CD209: variants seen among roughly 807,000 people sequenced by gnomAD.
The protein encoded by CD209 is CD209 antigen.
In CD209, 31 loss-of-function variants were observed where a neutral mutation model predicts 44.7. The observed-to-expected ratio is 0.69, with a 90% confidence interval of 0.52 to 0.94. CD209 has a LOEUF of 0.94. Ranked by LOEUF, CD209 falls within the 40% of genes least tolerant of loss-of-function variation. CD209 has a pLI of 0.00. For missense variants in CD209, 407 were observed against 452.4 expected, an observed-to-expected ratio of 0.90 and a Z score of 0.91; for synonymous variants, 173 against 181.3, an observed-to-expected ratio of 0.95 and a Z score of 0.37.
In CD209 at chr19:7,740,854, T is replaced by C. The variant is rs1169351420; in HGVS notation, c.*2185A>G. Reference sequence around the variant, plus strand: ...CAAAAACCGGAAGCTGTCCAGAAGATGCTGGATCAGGCTGAAAATGAGTTG... The same window carrying C: ...CAAAAACCGGAAGCTGTCCAGAAGACGCTGGATCAGGCTGAAAATGAGTTG... On this transcript the variant is annotated 3_prime_UTR_variant, in exon 7 of 7. Transcript: ENST00000315599. 1 of 747,830 alleles carries C rather than the reference T, an allele frequency of 1.3e-6. No homozygotes were observed. The highest frequency in any genetic ancestry group is 2.5e-6 in the Non-Finnish European group (1 of 404,900). 46.3% of individuals were successfully genotyped at this position (747,830 alleles called of 1,614,324 possible).
chr19:7,741,018 A>T lies in CD209; in HGVS notation c.*2021T>A. On this transcript the variant is annotated 3_prime_UTR_variant, in exon 7 of 7. Coordinates refer to ENST00000315599, the MANE Select transcript of CD209 (RefSeq NM_021155.4). ...ATAGATGTTCACATGATTTCCCAAC[A>T]TCCAGTCCTACCCTTCTTATTAAAA... is the stretch of plus-strand genomic sequence containing the variant. The T allele has an allele frequency of 1.4e-6, 1 of 730,972 alleles. No homozygotes were observed. The highest frequency in any genetic ancestry group is 2.4e-6 in the Non-Finnish European group (1 of 410,384). 45.3% of individuals were successfully genotyped at this position (730,972 alleles called of 1,614,324 possible).
In CD209 at chr19:7,743,169, T is replaced by C. The variant is rs1439844860; in HGVS notation, c.1085A>G (p.Asn362Ser). Reference sequence around the variant, plus strand: ...ATTACATTTGTCGTCGTTCCAGCCATTGCCACTAAATTCCGCGCAGTCTTC... The same window carrying C: ...ATTACATTTGTCGTCGTTCCAGCCACTGCCACTAAATTCCGCGCAGTCTTC... ...GEEDCAEFSG[N>S]GWNDDKCNLA... The change falls in exon 7 of 7, where the codon AAT (asparagine) becomes AGT (serine). Residue 362 changes from asparagine to serine, a missense_variant. Around this residue, in one of 3 missense-constraint regions of CD209, gnomAD observed 200 missense variants for 202.2 expected, o/e 0.99. Coordinates refer to ENST00000315599, the MANE Select transcript of CD209 (RefSeq NM_021155.4). 6.2e-7 allele frequency: 1 copy of C among 1,614,184 alleles called. No individual in the cohort carries two copies.
rs2033865370 is a variant in CD209, at chr19:7,747,133, C to T, written c.106+173G>A. ...GAGTCTTGGCCCCAGCCTCCACCTT[C>T]CCAGGAACCAGGAATTCAGGCCCCA... On this transcript the variant is annotated intron_variant, in intron 2 of 6. Transcript: ENST00000315599. 2.0e-5 allele frequency among the ~76,000 whole-genome samples: 3 copies of T among 152,064 alleles called. No homozygotes were observed. In the South Asian group the frequency reaches 6.2e-4, roughly 31 times the overall value.
In CD209 at chr19:7,740,779, A is replaced by G; in HGVS notation, c.*2260T>C. The G allele has an allele frequency of 1.3e-6, 1 of 763,454 alleles. No individual in the cohort carries two copies. The highest frequency in any genetic ancestry group is 2.5e-6 in the Non-Finnish European group (1 of 408,044). The allele number at this position is 763,454 out of a possible 1,614,324, so 47.3% of individuals were successfully genotyped here. A position where few individuals can be genotyped will look rare whatever the true frequency, so the allele number is the denominator to read the frequency against. ...CGAAAGTTAAAGGAACAATGGGAAG[A>G]ACAGCAGAGGAAAGAGAGAGAGGAG... On this transcript the variant is annotated 3_prime_UTR_variant, in exon 7 of 7. Coordinates refer to ENST00000315599, the MANE Select transcript of CD209 (RefSeq NM_021155.4).
At position 7,746,519 on chromosome 19, in the gene CD209, T is replaced by C. The variant is rs11465374; in HGVS notation, c.119A>G (p.His40Arg). ...GYKSLAGCLGHGPLVLQLLSF... is the reference protein window; with the variant it reads ...GYKSLAGCLGRGPLVLQLLSF... The stretch of plus-strand genomic sequence containing the variant: ...GAGGAGTTGCAGCACCAGGGGACCA[T>C]GGCCAAGACACCCTGAGAGAGGATA... The change falls in exon 3 of 7, where the codon CAT becomes CGT. Residue 40 changes from histidine to arginine, a missense_variant. Physicochemically the swap from His to Arg is conservative, Grantham distance 29. Coordinates refer to ENST00000315599, the MANE Select transcript of CD209 (RefSeq NM_021155.4). The C allele has an allele frequency of 1.4e-5, 23 of 1,613,628 alleles. No homozygotes were observed. In the African/African-American group the frequency reaches 2.3e-4, roughly 16 times the overall value.
chr19:7,740,775 G>T lies in CD209; in HGVS notation c.*2264C>A. 2.6e-6 allele frequency: 2 copies of T among 761,238 alleles called. No homozygotes were observed. Among genetic ancestry groups the T allele is most frequent in the Non-Finnish European group, 4.9e-6 (2 of 407,168 alleles). The allele number at this position is 761,238 out of a possible 1,614,324, so 47.2% of individuals were successfully genotyped here. On this transcript the variant is annotated 3_prime_UTR_variant, in exon 7 of 7. Coordinates refer to ENST00000315599, the MANE Select transcript of CD209 (RefSeq NM_021155.4). ...AGAGCGAAAGTTAAAGGAACAATGG[G>T]AAGAACAGCAGAGGAAAGAGAGAGA...
In CD209 at chr19:7,740,370, G is replaced by T; in HGVS notation, c.*2669C>A. On this transcript the variant is annotated 3_prime_UTR_variant, in exon 7 of 7. Transcript: ENST00000315599. ...ACTCGCCATTTTATTACACAAAGTT[G>T]AACCAGATTGGGCTGAATCTGCGGT... is the stretch of plus-strand genomic sequence containing the variant. 1 of 553,786 alleles carries T rather than the reference G, an allele frequency of 1.8e-6. No homozygotes were observed. Among genetic ancestry groups the T allele is most frequent in the Non-Finnish European group, 3.3e-6 (1 of 301,550 alleles). The allele number at this position is 553,786 out of a possible 1,614,324, so 34.3% of individuals were successfully genotyped here. A position where few individuals can be genotyped will look rare whatever the true frequency, so the allele number is the denominator to read the frequency against.
intron 6 of CD209, 106 bp from the exon 7 acceptor site, chr19:7,743,346 G>A (rs767434334): frequency 1.0e-5 from 10 of 986,198 alleles, no homozygotes; most frequent in African/African-American, 4.8e-5. Context: ...GCGTGTGTAT[G>A]CTGGACTTGA....
Position 7,741,200 on chromosome 19 carries a change from G to T in CD209, c.*1839C>A. 1.3e-6 allele frequency: 1 copy of T among 770,460 alleles called. No homozygotes were observed. Among genetic ancestry groups the T allele is most frequent in the South Asian group, 2.0e-5 (1 of 51,020 alleles). 47.7% of individuals were successfully genotyped at this position (770,460 alleles called of 1,614,324 possible). On this transcript the variant is annotated 3_prime_UTR_variant, in exon 7 of 7. Transcript: ENST00000315599. ...AAGAACGTGGGGAGAGACTGGGCGC[G>T]GTGGCTCAGGCCTGTAATCCCAGCA...
In CD209 at chr19:7,741,787, G is replaced by T. The variant is rs758346559; in HGVS notation, c.*1252C>A. ...TTCAGGTGTTGAGAAATCCAATAGAGACCTCTGCTTGTCTCCTCCTTTGGC... is the reference window on the plus strand; with the variant it reads ...TTCAGGTGTTGAGAAATCCAATAGATACCTCTGCTTGTCTCCTCCTTTGGC... On this transcript the variant is annotated 3_prime_UTR_variant, in exon 7 of 7. Coordinates refer to ENST00000315599, the MANE Select transcript of CD209 (RefSeq NM_021155.4). 3.8e-6 allele frequency: 2 copies of T among 521,606 alleles called. No homozygotes were observed. The highest frequency in any genetic ancestry group is 7.5e-6 in the Non-Finnish European group (2 of 265,926). 32.3% of individuals were successfully genotyped at this position (521,606 alleles called of 1,614,324 possible).
chr19:7,745,947 G>A lies in CD209; in HGVS notation c.319C>T (p.Leu107=), dbSNP rs142247295. 2.8e-4 allele frequency: 455 copies of A among 1,613,976 alleles called. 3 individuals carry two copies. Among genetic ancestry groups the A allele is most frequent in the Non-Finnish European group, 3.8e-5 (45 of 1,179,964 alleles). ...LQEIYQELTQ[L]KAAVGELPEK... ...GGAAGCTCACCCACTGCAGCCTTCA[G>A]CTGGGTCAGCTCCTGGTAGATCTCC... The change falls in exon 4 of 7, where the codon CTG becomes TTG. Residue 107 remains leucine (L), a synonymous_variant. Transcript: ENST00000315599.
chr19:7,743,674 A>C (rs11465387), intron 6 of CD209, among the ~76,000 whole-genome samples: 10,597 of 152,002 alleles, frequency 0.07, 408 homozygotes, highest in African/African-American at 0.091. Flanking sequence ...TTCCACAGAA[A>C]CCATAATAAA....
At position 7,745,100 on chromosome 19, in the gene CD209, G is replaced by A; in HGVS notation, c.749-8C>T. ...AGGGGTGGCACAGGCGTTCTGTTGG[G>A]GGAGGCTGGTCAGGGCTGGGCTTAG... On this transcript the variant is annotated splice_region_variant and splice_polypyrimidine_tract_variant and intron_variant, in intron 4 of 6. Transcript: ENST00000315599. 1 of 1,614,178 alleles carries A rather than the reference G, an allele frequency of 6.2e-7. No homozygotes were observed. Among genetic ancestry groups the A allele is most frequent in the Non-Finnish European group, 8.5e-7 (1 of 1,180,008 alleles).
At chr19:7,745,347 T>G (rs1040314715) in intron 4 of CD209, among the ~76,000 whole-genome samples, 171 bp downstream of exon 4, 5 of 152,186 alleles carry the variant, frequency 3.3e-5, no homozygotes, top group Admixed American at 2.6e-4. Flanking sequence ...CTTAACTGAG[T>G]GCCTGTTGTG....
chr19:7,746,572 C>T lies in CD209; in HGVS notation c.107-41G>A, dbSNP rs200709349. ...TGCGTCAGCCTGCCAGTGTCCCCAC[C>T]GGAGCCTGGCCCAGGGAGAGCCTGG... is the stretch of plus-strand genomic sequence containing the variant. On this transcript the variant is annotated intron_variant, in intron 2 of 6. Transcript: ENST00000315599. 2.0e-5 allele frequency: 32 copies of T among 1,595,072 alleles called. 1 individual carries two copies. Among genetic ancestry groups the T allele is most frequent in the Middle Eastern group, 1.7e-4 (1 of 6,018 alleles).
At position 7,740,662 on chromosome 19, in the gene CD209, A is replaced by C. The variant is rs1224406146; in HGVS notation, c.*2377T>G. On this transcript the variant is annotated 3_prime_UTR_variant, in exon 7 of 7. Transcript: ENST00000315599. ...GGAAGAGAGAGGCAAAGATTACATGAGGAGTGGTTGCTGAGAGAGCAGAAG... is the reference window on the plus strand; with the variant it reads ...GGAAGAGAGAGGCAAAGATTACATGCGGAGTGGTTGCTGAGAGAGCAGAAG... 1.3e-6 allele frequency: 1 copy of C among 778,206 alleles called. No homozygotes were observed. The highest frequency in any genetic ancestry group is 1.7e-5 in the African/African-American group (1 of 59,040). 48.2% of individuals were successfully genotyped at this position (778,206 alleles called of 1,614,324 possible).
chr19:7,743,138 G>A lies in CD209; in HGVS notation c.1116C>T (p.Ala372=). 6.2e-7 allele frequency: 1 copy of A among 1,614,116 alleles called. No homozygotes were observed. The highest frequency in any genetic ancestry group is 1.1e-5 in the South Asian group (1 of 91,078). ...CGGACTTTTTGCAGATCCAGAATTT[G>A]GCAAGATTACATTTGTCGTCGTTCC... ...NGWNDDKCNL[A]KFWICKKSAA... Residue 372 remains alanine, a synonymous_variant, in exon 7 of 7, where the codon GCC becomes GCT. Coordinates refer to ENST00000315599, the MANE Select transcript of CD209 (RefSeq NM_021155.4).
At position 7,741,425 on chromosome 19, in the gene CD209, G is replaced by A. The variant is rs1753498092; in HGVS notation, c.*1614C>T. ...GAGAATCGCTTGAACCCGGGAGGCG[G>A]AAGTTGCAGTGAGCCTAGATCGCGC... On this transcript the variant is annotated 3_prime_UTR_variant, in exon 7 of 7. Coordinates refer to ENST00000315599, the MANE Select transcript of CD209 (RefSeq NM_021155.4). 2.6e-6 allele frequency: 1 copy of A among 385,508 alleles called. No individual in the cohort carries two copies. Among genetic ancestry groups the A allele is most frequent in the African/African-American group, 2.1e-5 (1 of 47,470 alleles). The allele number at this position is 385,508 out of a possible 1,614,324, so 23.9% of individuals were successfully genotyped here. A position where few individuals can be genotyped will look rare whatever the true frequency, so the allele number is the denominator to read the frequency against.
Position 7,745,568 on chromosome 19 carries a change from G to C in CD209, c.698C>G (p.Ser233Cys), listed in dbSNP as rs564445371. Reference protein sequence around the residue: ...KAAVGELPEKSKQQEIYQELT... With the variant: ...KAAVGELPEKCKQQEIYQELT... Reference sequence around the variant, plus strand: ...CTCCTGGTAGATCTCCTGCTGCTTAGATTTCTCTGGAAGCTCACCCACTGC... The same window carrying C: ...CTCCTGGTAGATCTCCTGCTGCTTACATTTCTCTGGAAGCTCACCCACTGC... Residue 233 changes from serine (S) to cysteine (C), a missense_variant, in exon 4 of 7, where the codon TCT (serine) becomes TGT (cysteine). This residue lies in a region of CD209 where 85 missense variants were observed against 139.9 expected (regional missense o/e 0.61). Transcript: ENST00000315599. 7 of 1,609,156 alleles carry C rather than the reference G, an allele frequency of 4.4e-6. No individual in the cohort carries two copies. In the East Asian group the frequency reaches 6.7e-5, roughly 15 times the overall value.
Sources: gnomAD v4.1 joint callset for allele counts (sites outside exome capture counted in the v4.1 genomes callset) on GRCh38, gnomAD v4.1.1 for gene constraint, gnomAD v4.1.1 regional missense constraint, MANE v1.5 for transcripts, NCBI Gene and HGNC (gene_info 2026-07-23, HGNC 2026-07-21) for gene names.